The following NBAS variants were observed in gnomAD, a reference collection of about 807,000 sequenced individuals.
The protein encoded by NBAS is NBAS subunit of NRZ tethering complex.
A neutral mutation model predicts 302.5 loss-of-function variants in NBAS; 219 were observed. That is an observed-to-expected ratio of 0.72 (90% CI 0.65 to 0.81). The LOEUF (loss-of-function observed/expected upper bound fraction) is 0.81. NBAS is among the 30% of genes least tolerant of loss of function. The pLI is 0.00. For missense variants in NBAS, 2,932 were observed against 2,841.6 expected, an observed-to-expected ratio of 1.03 and a Z score of -0.72; for synonymous variants, 1,118 against 1,021.6, an observed-to-expected ratio of 1.09 and a Z score of -1.80.
chr2:15,474,939 A>G (rs10168299), intron 14 of NBAS, among the ~76,000 whole-genome samples: 92,188 of 151,916 alleles, frequency 0.61, 28,919 homozygotes, highest in Non-Finnish European at 0.68. Context: ...TAATTTGATG[A>G]TTTGTTTTTG....
At position 15,215,103 on chromosome 2, in the gene NBAS, G is replaced by A. The variant is rs147000002; in HGVS notation, c.6432+3670C>T. Reference sequence around the variant, plus strand: ...AAAAGCTGAAAAACTCAGATAAACCGTACTATGAGGATTAACACAACACAT... The same window carrying A: ...AAAAGCTGAAAAACTCAGATAAACCATACTATGAGGATTAACACAACACAT... On this transcript the variant is annotated intron_variant, in intron 48 of 51. Coordinates refer to ENST00000281513, the MANE Select transcript of NBAS (RefSeq NM_015909.4). Among the ~76,000 whole-genome samples the A allele has an allele frequency of 1.1e-3, 166 of 152,008 alleles. 3 individuals are homozygous for A. Among genetic ancestry groups the A allele is most frequent in the Admixed American group, 7.1e-3 (108 of 15,270 alleles).
At chr2:14,882,255 T>C in the NBAS span, among the ~76,000 whole-genome samples, 1 of 152,296 alleles carries the variant, frequency 6.6e-6, no homozygotes, top group South Asian at 2.1e-4. Context: ...GATCCACACT[T>C]GAGTTACAGG....
At chr2:15,270,639 T>C (rs1196098839) in intron 44 of NBAS, among the ~76,000 whole-genome samples, 15 of 152,234 alleles carry the variant, frequency 9.9e-5, no homozygotes, top group Admixed American at 9.8e-4. Context: ...TACTTTATAC[T>C]GTGCTAGGAC....
At chr2:15,191,046 A>G (rs931537133) in intron 48 of NBAS, among the ~76,000 whole-genome samples, 1 of 152,190 alleles carries the variant, frequency 6.6e-6, no homozygotes, top group African/African-American at 2.4e-5. Context: ...CACATCTCCA[A>G]TGTCTCTGTG....
At chr2:15,021,093 A>T in the NBAS span, among the ~76,000 whole-genome samples, 8 of 152,170 alleles carry the variant, frequency 5.3e-5, no homozygotes, top group Non-Finnish European at 1.2e-4. Flanking sequence ...TTAGCCAGGC[A>T]TGTTGGCGGG....
chr2:15,103,777 A>G, the NBAS span, among the ~76,000 whole-genome samples: 1 of 152,186 alleles, frequency 6.6e-6, no homozygotes, highest in Non-Finnish European at 1.5e-5. Flanking sequence ...GGAGCAGATA[A>G]GGTCTGATCA....
At chr2:15,383,399 A>T (rs1218983688) in intron 28 of NBAS, 82 bp from the exon 29 acceptor site, 1 of 1,239,234 alleles carries the variant, frequency 8.1e-7, no homozygotes, top group Non-Finnish European at 1.2e-6. Flanking sequence ...AAAGTTAAAA[A>T]AACAAAAACT....
chr2:15,200,530 G>C (rs182453720), intron 48 of NBAS, among the ~76,000 whole-genome samples: 1 of 152,206 alleles, frequency 6.6e-6, no homozygotes, highest in African/African-American at 2.4e-5. Flanking sequence ...CAAAATCCTG[G>C]AGGTGAAAAC....
At chr2:14,830,294 A>C in the NBAS span, among the ~76,000 whole-genome samples, 4 of 150,730 alleles carry the variant, frequency 2.7e-5, 1 homozygote, top group South Asian at 8.3e-4. Flanking sequence ...AATTAGCCTC[A>C]TGTAATTAAC....
chr2:15,274,346 A>T (rs1410356747), intron 44 of NBAS, among the ~76,000 whole-genome samples: 1 of 152,186 alleles, frequency 6.6e-6, no homozygotes, highest in African/African-American at 2.4e-5. Flanking sequence ...TTTCCAGGAT[A>T]ATACTAACTA....
In NBAS at chr2:15,465,610, ACTAT is replaced by A. The variant is rs577097625; in HGVS notation, c.2097+1715_2097+1718del. On this transcript the variant is annotated intron_variant, in intron 19 of 51. Transcript: ENST00000281513. ...TTAAAATGCAATGCCTATCTCTACT[ACTAT>A]CTAATGGTTAGCTATTATATCTGAA... is the stretch of plus-strand genomic sequence containing the variant. 2.4e-4 allele frequency among the ~76,000 whole-genome samples: 36 copies of A among 152,308 alleles called. No individual in the cohort carries two copies. The South Asian group carries it at 7.0e-3, about 30-fold the overall frequency.
At chr2:15,374,922 G>A (rs1189758628) in intron 30 of NBAS, among the ~76,000 whole-genome samples, 1 of 152,100 alleles carries the variant, frequency 6.6e-6, no homozygotes, top group Admixed American at 6.5e-5. Context: ...TTTTCAGGGA[G>A]CTAAAACTGA....
At chr2:15,495,526 C>T (rs1681033275) in intron 11 of NBAS, among the ~76,000 whole-genome samples, 1 of 152,012 alleles carries the variant, frequency 6.6e-6, no homozygotes, top group Admixed American at 6.6e-5. Flanking sequence ...AGACTTAAAA[C>T]ACATAGTTTT....
chr2:15,494,174 G>A (rs1233271880), intron 11 of NBAS, among the ~76,000 whole-genome samples: 9 of 152,164 alleles, frequency 5.9e-5, no homozygotes, highest in African/African-American at 1.9e-4. Flanking sequence ...CACATTCCTC[G>A]TTTTTATTTT....
chr2:15,354,117 A>G (rs1351445518), intron 33 of NBAS, among the ~76,000 whole-genome samples: 3 of 152,200 alleles, frequency 2.0e-5, no homozygotes, highest in South Asian at 2.1e-4. Context: ...TTCTTTTCCT[A>G]CAAGGACAAT....
At chr2:15,505,981 TAAAG>T (rs1661830471) in intron 10 of NBAS, among the ~76,000 whole-genome samples, 1 of 151,288 alleles carries the variant, frequency 6.6e-6, no homozygotes, top group Non-Finnish European at 1.5e-5. Context: ...ATCTAAAAAA[TAAAG>T]AATAAATTAC....
At position 15,188,630 on chromosome 2, in the gene NBAS, T is replaced by C. The variant is rs572903107; in HGVS notation, c.6572+1634A>G. 2.8e-4 allele frequency among the ~76,000 whole-genome samples: 42 copies of C among 152,334 alleles called. No homozygotes were observed. In the Middle Eastern group the frequency reaches 0.01, roughly 37 times the overall value. On this transcript the variant is annotated intron_variant, in intron 49 of 51. Coordinates refer to ENST00000281513, the MANE Select transcript of NBAS (RefSeq NM_015909.4). ...TCAGGTTAGTAATTTACAAATTCCA[T>C]TTCATATGTGGCTACAAAAGAATAC...
chr2:15,208,818 T>C (rs902496573), intron 48 of NBAS, among the ~76,000 whole-genome samples: 1 of 152,164 alleles, frequency 6.6e-6, no homozygotes, highest in Non-Finnish European at 1.5e-5. Context: ...GAAAGAAGTT[T>C]ATAGCTATAA....
the NBAS span, among the ~76,000 whole-genome samples, chr2:15,047,811 G>T: frequency 6.6e-6 from 1 of 152,230 alleles, no homozygotes. Flanking sequence ...CTAGATTACC[G>T]TCCCATCTCT....
Sources: gnomAD v4.1 joint callset for allele counts (sites outside exome capture counted in the v4.1 genomes callset) on GRCh38, gnomAD v4.1.1 for gene constraint, MANE v1.5 for transcripts, NCBI Gene and HGNC (gene_info 2026-07-23, HGNC 2026-07-21) for gene names.